RAPGEF1: variants seen among roughly 807,000 people sequenced by gnomAD.
The protein encoded by RAPGEF1 is CRK SH3-binding GNRP.
RAPGEF1 carries 33 observed loss-of-function variants against 143.3 expected under a neutral mutation model. The observed-to-expected ratio is 0.23, with a 90% CI of 0.17 to 0.31. RAPGEF1 has a LOEUF of 0.31. Among genes scored for constraint, RAPGEF1 ranks in the 10% least tolerant of loss-of-function variants. The pLI, the probability that RAPGEF1 is intolerant of heterozygous loss-of-function variation, is 1.00. For synonymous variants in RAPGEF1, 629 were observed against 676.5 expected (o/e 0.93, Z 1.09); for missense variants, 1,199 against 1,645.4 (o/e 0.73, Z 4.69).
At chr9:131,659,575 G>T (rs756239935) in intron 1 of RAPGEF1, among the ~76,000 whole-genome samples, 1 of 152,004 alleles carries the variant, frequency 6.6e-6, no homozygotes, top group Non-Finnish European at 1.5e-5. Context: ...CTTTTTACCC[G>T]AGCCTCCGGT....
intron 9 of RAPGEF1, 92 bp from the exon 10 acceptor site, chr9:131,626,514 A>C (rs895136857): frequency 7.5e-7 from 1 of 1,338,764 alleles, no homozygotes; most frequent in East Asian, 2.3e-5. Flanking sequence ...CGGCTCGCTC[A>C]TGGGTGTGTG....
chr9:131,687,477 G>C (rs1833444917), intron 1 of RAPGEF1, among the ~76,000 whole-genome samples: 1 of 150,042 alleles, frequency 6.7e-6, no homozygotes. Flanking sequence ...TTACAGGCGT[G>C]AGCCATCGCA....
rs1040877549 is a variant in RAPGEF1 at position 131,628,496 on chromosome 9, G to A, written c.1017+53C>T. 8.8e-6 allele frequency: 14 copies of A among 1,596,054 alleles called. No individual in the cohort carries two copies. The Admixed American group carries it at 1.2e-4, about 14-fold the overall frequency. The stretch of plus-strand genomic sequence containing the variant: ...TTTCAGCTTCAGGAGCCACATCCCT[G>A]AGCCCCCCACCCCCTCCCTGCCTTC... On this transcript the variant is annotated intron_variant, in intron 8 of 26. Coordinates refer to ENST00000683357, the MANE Select transcript of RAPGEF1 (RefSeq NM_001377935.1). This position sits in a 1 kb window ranked among gnomAD's most constrained non-coding sequence, Gnocchi z 5.7.
chr9:131,737,878 T>C (rs1054747362), intron 1 of RAPGEF1, among the ~76,000 whole-genome samples: 3 of 47,090 alleles, frequency 6.4e-5, no homozygotes, highest in Admixed American at 5.7e-4. Context: ...GGCAGGAGAA[T>C]GGCGTGAACC....
intron 20 of RAPGEF1, 68 bp from the exon 21 acceptor site, chr9:131,588,094 C>CG: frequency 7.6e-7 from 1 of 1,320,496 alleles, no homozygotes; most frequent in East Asian, 2.4e-5. Context: ...TGAGCAGGCC[C>CG]GGGCTGCGGG....
intron 4 of RAPGEF1, among the ~76,000 whole-genome samples, chr9:131,639,976 G>C (rs1296677815): frequency 6.6e-6 from 1 of 152,168 alleles, no homozygotes; most frequent in Non-Finnish European, 1.5e-5. Flanking sequence ...CAGGAGAAAA[G>C]GGTCGGCAGG....
chr9:131,630,374 T>C (rs1426386685), intron 5 of RAPGEF1, 50 bp from the exon 6 acceptor site: 2 of 1,581,102 alleles, frequency 1.3e-6, no homozygotes, highest in African/African-American at 2.7e-5. Context: ...CACCACTGAG[T>C]TTCCACCAGA....
At chr9:131,682,360 T>C (rs2130934344) in intron 1 of RAPGEF1, among the ~76,000 whole-genome samples, 1 of 152,332 alleles carries the variant, frequency 6.6e-6, no homozygotes, top group Admixed American at 6.5e-5. Flanking sequence ...AACCGGGGCA[T>C]TTCCAGCTCA....
chr9:131,671,722 T>C (rs1289720117), intron 1 of RAPGEF1, among the ~76,000 whole-genome samples: 1 of 152,164 alleles, frequency 6.6e-6, no homozygotes, highest in East Asian at 1.9e-4. Flanking sequence ...GTGCAGGATC[T>C]GGCTGTGGAA....
intron 22 of RAPGEF1, among the ~76,000 whole-genome samples, chr9:131,586,219 CA>C (rs1952720051): frequency 6.7e-6 from 1 of 149,200 alleles, no homozygotes. Flanking sequence ...CGCACGCACA[CA>C]CACACACACA....
At chr9:131,712,168 G>A (rs546453902) in intron 1 of RAPGEF1, among the ~76,000 whole-genome samples, 1 of 152,228 alleles carries the variant, frequency 6.6e-6, no homozygotes, top group African/African-American at 2.4e-5. Flanking sequence ...CACAGAGCCC[G>A]CAAGCTCCTC....
At chr9:131,601,031 G>T (rs1460154419) in intron 15 of RAPGEF1, among the ~76,000 whole-genome samples, 3 of 152,014 alleles carry the variant, frequency 2.0e-5, no homozygotes, top group African/African-American at 7.3e-5. Context: ...ACTTAGCCGG[G>T]CATGGTGGCA....
chr9:131,638,250 C>T (rs1464908892), intron 5 of RAPGEF1, among the ~76,000 whole-genome samples: 2 of 152,218 alleles, frequency 1.3e-5, no homozygotes, highest in African/African-American at 4.8e-5. Context: ...TGCTTTTCTA[C>T]CAAGAATCCT....
rs760949344 is a variant in RAPGEF1, at chr9:131,587,788, TCTC to T, written c.3178_3180del (p.Glu1060del). The T allele has an allele frequency of 2.5e-6, 4 of 1,613,848 alleles. No homozygotes were observed. Among genetic ancestry groups the T allele is most frequent in the Non-Finnish European group, 3.4e-6 (4 of 1,179,842 alleles). On this transcript the variant is annotated inframe_deletion, in exon 22 of 27. Coordinates refer to ENST00000683357, the MANE Select transcript of RAPGEF1 (RefSeq NM_001377935.1). ...GTGAACTGGGTCAAGTTGGGGCTCT[TCTC>T]CTCATTCTGCTCTTTTGCCCAAAGC...
In RAPGEF1 at chr9:131,667,030, A is replaced by G. The variant is rs972354537; in HGVS notation, c.62-16081T>C. ...TTTGGAGACAGAGTCTCACTCTGTC[A>G]CCCAGGCGGAGTGCAGTGGCACGAA... On this transcript the variant is annotated intron_variant, in intron 1 of 26. Transcript: ENST00000683357. This position sits in a 1 kb window ranked among gnomAD's most constrained non-coding sequence, Gnocchi z 4.6. Among the ~76,000 whole-genome samples, 1 of 151,676 alleles carries G rather than the reference A, an allele frequency of 6.6e-6. No homozygotes were observed. The highest frequency in any genetic ancestry group is 1.5e-5 in the Non-Finnish European group (1 of 67,902).
intron 17 of RAPGEF1, 22 bp downstream of exon 17, chr9:131,596,276 A>G: frequency 3.1e-6 from 5 of 1,610,036 alleles, no homozygotes; most frequent in Non-Finnish European, 4.3e-6. Context: ...GCCCCAATCT[A>G]GTGAGCTCAC....
intron 1 of RAPGEF1, among the ~76,000 whole-genome samples, chr9:131,724,356 G>A (rs1227264849): frequency 6.6e-6 from 1 of 152,232 alleles, no homozygotes; most frequent in Non-Finnish European, 1.5e-5. Flanking sequence ...AGCACTTTGG[G>A]AGGCCGAGGC....
intron 1 of RAPGEF1, among the ~76,000 whole-genome samples, chr9:131,735,444 C>T (rs2131360602): frequency 6.6e-6 from 1 of 152,326 alleles, no homozygotes; most frequent in South Asian, 2.1e-4. Flanking sequence ...TTGCCACCTT[C>T]CTGCTCACCC....
At chr9:131,585,082 T>A (rs1286392493) in intron 22 of RAPGEF1, among the ~76,000 whole-genome samples, 1 of 152,178 alleles carries the variant, frequency 6.6e-6, no homozygotes, top group East Asian at 1.9e-4. Flanking sequence ...AAGGCCAGTC[T>A]CATCTGTGTG....
Sources: gnomAD v4.1 joint callset for allele counts (sites outside exome capture counted in the v4.1 genomes callset) on GRCh38, gnomAD v4.1.1 for gene constraint, Gnocchi (gnomAD v3.1) non-coding constraint, MANE v1.5 for transcripts, NCBI Gene and HGNC (gene_info 2026-07-23, HGNC 2026-07-21) for gene names.